The following ATP6V1A variants were observed in gnomAD, a reference collection of about 807,000 sequenced individuals.
ATP6V1A encodes ATPase H+ transporting V1 subunit A.
In ATP6V1A, 18 loss-of-function variants were observed where a neutral mutation model predicts 70.1. The ratio of observed to expected loss-of-function variants is 0.26; its 90% CI spans 0.18 to 0.38. The LOEUF (loss-of-function observed/expected upper bound fraction) is 0.38, where lower values mean the gene tolerates loss of function less well. ATP6V1A is among the 10% of genes least tolerant of loss of function. The pLI, the probability that ATP6V1A is intolerant of heterozygous loss-of-function variation, is 1.00. For missense variants in ATP6V1A, 424 were observed against 772.4 expected (o/e 0.55, Z 5.35); for synonymous variants, 232 against 253.8 (o/e 0.91, Z 0.82).
At chr3:113,758,110 A>G (rs1708665209) in intron 1 of ATP6V1A, among the ~76,000 whole-genome samples, 1 of 152,136 alleles carries the variant, frequency 6.6e-6, no homozygotes, top group Admixed American at 6.5e-5. Flanking sequence ...CACCCACTGC[A>G]CTCCAGCCTG....
At chr3:113,779,266 G>T (rs1708953337) in intron 2 of ATP6V1A, 1 of 152,330 alleles carries the variant, frequency 6.6e-6, no homozygotes. Flanking sequence ...ATTAGCTTTT[G>T]CCCTTTGCAT....
chr3:113,776,830 G>T (rs1210929086), intron 1 of ATP6V1A, among the ~76,000 whole-genome samples: 1 of 152,102 alleles, frequency 6.6e-6, no homozygotes, highest in African/African-American at 2.4e-5. Context: ...AGTCAGGCTG[G>T]TCTGTTCACT....
intron 7 of ATP6V1A, 69 bp from the exon 8 acceptor site, chr3:113,789,663 A>AT: frequency 8.0e-7 from 1 of 1,252,038 alleles, no homozygotes; most frequent in South Asian, 1.3e-5. Flanking sequence ...AAAAAAAAAA[A>AT]GAAAAATAGG....
intron 1 of ATP6V1A, among the ~76,000 whole-genome samples, chr3:113,767,068 T>C (rs1384788748): frequency 6.6e-6 from 1 of 150,408 alleles, no homozygotes; most frequent in East Asian, 2.0e-4. Flanking sequence ...ACTTAACAAA[T>C]AGTAGTTGAT....
At chr3:113,763,161 C>T (rs1708725622) in intron 1 of ATP6V1A, among the ~76,000 whole-genome samples, 1 of 152,190 alleles carries the variant, frequency 6.6e-6, no homozygotes, top group African/African-American at 2.4e-5. Context: ...GGCGCAATCT[C>T]GGCTCACTGC....
chr3:113,759,287 G>GT lies in ATP6V1A; in HGVS notation c.-14+12189dup, dbSNP rs34189516. ...TTTAGATTTTTCTATATAGTTACGG[G>GT]TTTTTTTTTTTTTTTGCATTTTATG... On this transcript the variant is annotated intron_variant, in intron 1 of 14. Transcript: ENST00000273398. Among the ~76,000 whole-genome samples, 1,298 of 133,200 alleles carry GT rather than the reference G, an allele frequency of 9.7e-3. 21 individuals carry two copies. Among genetic ancestry groups the GT allele is most frequent in the African/African-American group, 0.025 (911 of 36,380 alleles). 87.4% of individuals were successfully genotyped at this position (133,200 alleles called of 152,430 possible). A position where few individuals can be genotyped will look rare whatever the true frequency, so the allele number is the denominator to read the frequency against.
At chr3:113,807,389 C>T (rs1468593798) in intron 14 of ATP6V1A, among the ~76,000 whole-genome samples, 1 of 151,826 alleles carries the variant, frequency 6.6e-6, no homozygotes, top group East Asian at 1.9e-4. Context: ...CTATGTTGGC[C>T]AGGCTGGTCT....
chr3:113,780,901 T>C lies in ATP6V1A; in HGVS notation c.83-149T>C, dbSNP rs959222159. 23 of 1,300,488 alleles carry C rather than the reference T, an allele frequency of 1.8e-5. No individual in the cohort carries two copies. In the African/African-American group the frequency reaches 3.2e-4, roughly 18 times the overall value. The allele number at this position is 1,300,488 out of a possible 1,614,324, so 80.6% of individuals were successfully genotyped here. A position where few individuals can be genotyped will look rare whatever the true frequency, so the allele number is the denominator to read the frequency against. ...ACTAAAATATATATCTATGTGAAAC[T>C]ACCAGTATGTTCCATAGTAGGTTTT... is the stretch of plus-strand genomic sequence containing the variant. On this transcript the variant is annotated intron_variant, in intron 2 of 14. Coordinates refer to ENST00000273398, the MANE Select transcript of ATP6V1A (RefSeq NM_001690.4).
At chr3:113,787,264 A>G (rs1429471188) in intron 6 of ATP6V1A, among the ~76,000 whole-genome samples, 3 of 152,368 alleles carry the variant, frequency 2.0e-5, no homozygotes, top group Middle Eastern at 3.4e-3. Context: ...CTCTGTAGTC[A>G]TCACGGGATC....
In ATP6V1A at chr3:113,803,703, T is replaced by C. The variant is rs759098164; in HGVS notation, c.1589+26T>C. Reference sequence around the variant, plus strand: ...GTAAGCTATATTGATTTCCTTTTTTTATTTGAGGATTTTCTGTTGTGTTTT... The same window carrying C: ...GTAAGCTATATTGATTTCCTTTTTTCATTTGAGGATTTTCTGTTGTGTTTT... On this transcript the variant is annotated intron_variant, in intron 13 of 14. Coordinates refer to ENST00000273398, the MANE Select transcript of ATP6V1A (RefSeq NM_001690.4). 2.6e-6 allele frequency: 4 copies of C among 1,534,718 alleles called. No individual in the cohort carries two copies. In the African/African-American group the frequency reaches 5.5e-5, roughly 21 times the overall value.
In ATP6V1A at chr3:113,784,499, T is replaced by C. The variant is rs1709016329; in HGVS notation, c.426+61T>C. ...GAAAGAATATAAAATGAATGTTTAG[T>C]AAACTACATTGTACTCTTAGTCCAA... On this transcript the variant is annotated intron_variant, in intron 4 of 14. Transcript: ENST00000273398. 20 of 1,495,398 alleles carry C rather than the reference T, an allele frequency of 1.3e-5. No individual in the cohort carries two copies. In the Middle Eastern group the frequency reaches 1.3e-3, roughly 96 times the overall value. The allele number at this position is 1,495,398 out of a possible 1,614,324, so 92.6% of individuals were successfully genotyped here.
chr3:113,778,974 A>G (rs547472916), intron 2 of ATP6V1A, 139 bp downstream of exon 2: 9 of 503,626 alleles, frequency 1.8e-5, no homozygotes, highest in East Asian at 7.0e-5. Flanking sequence ...CATAGTGACT[A>G]TAAGACCGAA....
chr3:113,775,052 G>T (rs1364933595), intron 1 of ATP6V1A, among the ~76,000 whole-genome samples: 1 of 152,102 alleles, frequency 6.6e-6, no homozygotes, highest in Non-Finnish European at 1.5e-5. Context: ...AACATACTTT[G>T]TGTGGCTATA....
At chr3:113,809,241 C>T (rs1378149613) in intron 14 of ATP6V1A, 94 bp from the exon 15 acceptor site, 16 of 1,025,558 alleles carry the variant, frequency 1.6e-5, no homozygotes, top group Non-Finnish European at 2.1e-5. Flanking sequence ...GGTGACAGAG[C>T]AAGACTCTGC....
At chr3:113,766,660 G>A (rs1450664969) in intron 1 of ATP6V1A, among the ~76,000 whole-genome samples, 2 of 152,122 alleles carry the variant, frequency 1.3e-5, no homozygotes, top group Admixed American at 6.5e-5. Flanking sequence ...ACCTAATTAT[G>A]TACCAAAGGC....
At chr3:113,767,367 G>T (rs1446249309) in intron 1 of ATP6V1A, among the ~76,000 whole-genome samples, 1 of 152,078 alleles carries the variant, frequency 6.6e-6, no homozygotes, top group African/African-American at 2.4e-5. Context: ...GATTACAGGT[G>T]TAAGCCACTG....
At chr3:113,771,365 A>G (rs1708838421) in intron 1 of ATP6V1A, among the ~76,000 whole-genome samples, 1 of 151,488 alleles carries the variant, frequency 6.6e-6, no homozygotes, top group Non-Finnish European at 1.5e-5. Context: ...AGGTCACCAT[A>G]GTATGTCTAC....
rs567237324 is a variant in ATP6V1A at position 113,759,284 on chromosome 3, C to T, written c.-14+12171C>T. ...ATTTTTAGATTTTTCTATATAGTTA[C>T]GGGTTTTTTTTTTTTTTTGCATTTT... On this transcript the variant is annotated intron_variant, in intron 1 of 14. Coordinates refer to ENST00000273398, the MANE Select transcript of ATP6V1A (RefSeq NM_001690.4). 1.3e-4 allele frequency among the ~76,000 whole-genome samples: 17 copies of T among 129,602 alleles called. 1 individual carries two copies. The South Asian group carries it at 2.8e-3, about 21-fold the overall frequency. The allele number at this position is 129,602 out of a possible 152,430, so 85.0% of individuals were successfully genotyped here.
At chr3:113,805,303 C>G in intron 13 of ATP6V1A, 51 bp from the exon 14 acceptor site, 2 of 1,541,264 alleles carry the variant, frequency 1.3e-6, no homozygotes, top group Non-Finnish European at 1.8e-6. Flanking sequence ...AAAGTATGAA[C>G]CTGTTTTGGA....
Sources: gnomAD v4.1 joint callset for allele counts (sites outside exome capture counted in the v4.1 genomes callset) on GRCh38, gnomAD v4.1.1 for gene constraint, MANE v1.5 for transcripts, NCBI Gene and HGNC (gene_info 2026-07-23, HGNC 2026-07-21) for gene names.